Variants in KLHL10 observed in about 807,000 individuals in gnomAD.
KLHL10 encodes kelch-like protein 10.
KLHL10 carries 11 observed loss-of-function variants against 46.6 expected under a neutral mutation model. That is an observed-to-expected ratio of 0.24 (90% CI 0.15 to 0.39). KLHL10 has a LOEUF of 0.39. Ranked by LOEUF, KLHL10 falls within the 10% of genes least tolerant of loss-of-function variation. The pLI, the probability that KLHL10 is intolerant of heterozygous loss-of-function variation, is 1.00. For synonymous variants in KLHL10, 254 were observed against 279.1 expected (o/e 0.91, Z 0.90); for missense variants, 475 against 789.8 (o/e 0.60, Z 4.78).
chr17:41,847,513 T>TC, intron 4 of KLHL10, 103 bp downstream of exon 4: 2 of 1,392,160 alleles, frequency 1.4e-6, no homozygotes, highest in East Asian at 4.8e-5. Context: ...TGAAAAGCTT[T>TC]TTTTTTTTTT....
At chr17:41,842,448 T>C in intron 2 of KLHL10, 136 bp downstream of exon 2, 1 of 1,095,222 alleles carries the variant, frequency 9.1e-7, no homozygotes, top group East Asian at 2.5e-5. Context: ...ATTTTGCAAC[T>C]GTCTTTTCCC....
chr17:41,837,991 AGAT>A lies in KLHL10; in HGVS notation c.62_64del (p.Met21del), dbSNP rs552869356. 1.3e-4 allele frequency: 213 copies of A among 1,614,032 alleles called. No individual in the cohort carries two copies. Among genetic ancestry groups the A allele is most frequent in the Non-Finnish European group, 1.7e-4 (199 of 1,180,028 alleles). On this transcript the variant is annotated inframe_deletion, in exon 1 of 5. Transcript: ENST00000293303. ...TTCCACCAGCCTCACATGGAGAGGA[AGAT>A]GAGTGCGATGGCCTGTGAGATCTTC...
At chr17:41,837,315 C>T (rs2048174446), upstream of KLHL10, among the ~76,000 whole-genome samples, 1 of 152,212 alleles carries the variant, frequency 6.6e-6, no homozygotes, top group African/African-American at 2.4e-5. Context: ...CAGGCATGTG[C>T]CACCACGCCC....
chr17:41,836,540 G>C (rs1253986450), upstream of KLHL10: 39 of 841,628 alleles, frequency 4.6e-5, no homozygotes, highest in Non-Finnish European at 5.4e-5. Flanking sequence ...AACATGACTG[G>C]GGCTGGGCGC....
At chr17:41,837,210 G>A (rs940539817), upstream of KLHL10, among the ~76,000 whole-genome samples, 11 of 152,188 alleles carry the variant, frequency 7.2e-5, no homozygotes, top group Non-Finnish European at 5.9e-5. Flanking sequence ...CTGTCGCCAG[G>A]CTGGAGTGCA....
Position 41,845,146 on chromosome 17 carries a change from T to C in KLHL10, c.705T>C (p.His235=), listed in dbSNP as rs369592598. The part of the protein sequence containing the change: ...LLPKVRLALM[H]AEYFMNNVKM... Reference sequence around the variant, plus strand: ...CTTAGGTTCGCCTGGCCCTAATGCATGCTGAGTACTTCATGAACAATGTTA... The same window carrying C: ...CTTAGGTTCGCCTGGCCCTAATGCACGCTGAGTACTTCATGAACAATGTTA... The change falls in exon 3 of 5, where the codon CAT becomes CAC. Residue 235 remains histidine, a synonymous_variant. Coordinates refer to ENST00000293303, the MANE Select transcript of KLHL10 (RefSeq NM_152467.5). 18 of 1,614,124 alleles carry C rather than the reference T, an allele frequency of 1.1e-5. No homozygotes were observed. The highest frequency in any genetic ancestry group is 1.4e-5 in the Non-Finnish European group (17 of 1,180,060).
chr17:41,835,868 G>A (rs782685099), upstream of KLHL10: 33 of 1,608,364 alleles, frequency 2.1e-5, no homozygotes, highest in African/African-American at 4.1e-4. Context: ...CCTGTAACCG[G>A]TCTCCGCCGC....
intron 1 of KLHL10, among the ~76,000 whole-genome samples, chr17:41,840,355 C>T (rs973832664): frequency 2.6e-5 from 4 of 152,268 alleles, no homozygotes; most frequent in South Asian, 4.1e-4. Flanking sequence ...ACCAGCGGGG[C>T]GCAGTGGCTC....
At chr17:41,836,017 CG>C, upstream of KLHL10, 1 of 1,465,604 alleles carries the variant, frequency 6.8e-7, no homozygotes, top group South Asian at 1.3e-5. Flanking sequence ...GAGGGGAGCC[CG>C]GGGCTCGCTC....
chr17:41,835,845 C>A (rs1555619852), upstream of KLHL10: 2 of 1,600,782 alleles, frequency 1.2e-6, no homozygotes, highest in African/African-American at 1.3e-5. Context: ...GGCCCCCGCA[C>A]GCCCCAGAGG....
chr17:41,838,004 G>A lies in KLHL10; in HGVS notation c.72G>A (p.Met24Ile). Residue 24 changes from methionine to isoleucine, a missense_variant, in exon 1 of 5, where the codon ATG (methionine) becomes ATA (isoleucine). Physicochemically the swap from Met to Ile is conservative, Grantham distance 10. Coordinates refer to ENST00000293303, the MANE Select transcript of KLHL10 (RefSeq NM_152467.5). The part of the protein sequence containing the change: ...QPHMERKMSA[M>I]ACEIFNELRL... ...ACATGGAGAGGAAGATGAGTGCGAT[G>A]GCCTGTGAGATCTTCAACGAGCTTA... 2 of 1,614,096 alleles carry A rather than the reference G, an allele frequency of 1.2e-6. No individual in the cohort carries two copies. The highest frequency in any genetic ancestry group is 8.5e-7 in the Non-Finnish European group (1 of 1,180,016).
At chr17:41,843,968 A>G (rs2048254616) in intron 2 of KLHL10, among the ~76,000 whole-genome samples, 1 of 150,808 alleles carries the variant, frequency 6.6e-6, no homozygotes, top group African/African-American at 2.4e-5. Context: ...TCACCGTGTT[A>G]GCCAGGATGG....
chr17:41,845,848 T>G (rs782774326), intron 3 of KLHL10, 105 bp downstream of exon 3: 1 of 1,357,484 alleles, frequency 7.4e-7, no homozygotes. Flanking sequence ...CAGTATTCAC[T>G]TTGGAGTACT....
chr17:41,848,132 C>CCCAT lies in KLHL10; in HGVS notation c.1653_1654insCATC (p.Asp552HisfsTer3). On this transcript the variant is annotated frameshift_variant, in exon 5 of 5. Coordinates refer to ENST00000293303, the MANE Select transcript of KLHL10 (RefSeq NM_152467.5). LOFTEE classifies it high-confidence loss of function. ...AATGTTGAGTGCTATGATGAAAAGA[C>CCCAT]CGATGAGTGGTATGATGCTCATGAC... 6.2e-7 allele frequency: 1 copy of CCCAT among 1,614,096 alleles called. No individual in the cohort carries two copies. Among genetic ancestry groups the CCCAT allele is most frequent in the Non-Finnish European group, 8.5e-7 (1 of 1,180,036 alleles).
chr17:41,847,464 G>T, intron 4 of KLHL10, 54 bp downstream of exon 4: 3 of 1,585,962 alleles, frequency 1.9e-6, no homozygotes, highest in Non-Finnish European at 2.6e-6. Context: ...CCTAGATTTT[G>T]TATTAGTAAA....
chr17:41,836,119 T>C, upstream of KLHL10: 1 of 1,327,496 alleles, frequency 7.5e-7, no homozygotes, highest in Non-Finnish European at 9.6e-7. Flanking sequence ...GCTGGGGGGC[T>C]CGAAGCGCCC....
chr17:41,847,438 C>CA (rs1342490683), intron 4 of KLHL10, 28 bp downstream of exon 4: 6 of 1,609,128 alleles, frequency 3.7e-6, no homozygotes, highest in Non-Finnish European at 5.1e-6. Context: ...CACACACACA[C>CA]AAAAAACACA....
chr17:41,841,646 C>CTT (rs1329294436), intron 1 of KLHL10, 177 bp from the exon 2 acceptor site: 1 of 690,814 alleles, frequency 1.4e-6, no homozygotes, highest in African/African-American at 1.8e-5. Flanking sequence ...AGTTCTAGAT[C>CTT]TTAATTTCTC....
intron 1 of KLHL10, among the ~76,000 whole-genome samples, chr17:41,841,131 C>T (rs1480966681): frequency 4.0e-5 from 6 of 150,922 alleles, no homozygotes; most frequent in Non-Finnish European, 8.9e-5. Flanking sequence ...CAGAGCAAGA[C>T]CCTGTTTCCA....
Sources: gnomAD v4.1 joint callset for allele counts (sites outside exome capture counted in the v4.1 genomes callset) on GRCh38, gnomAD v4.1.1 for gene constraint, MANE v1.5 for transcripts, NCBI Gene and HGNC (gene_info 2026-07-23, HGNC 2026-07-21) for gene names.